Variants in MAP3K14 observed in about 807,000 individuals in gnomAD.
MAP3K14 encodes the protein mitogen-activated protein kinase kinase kinase 14, also known as NF-kappa-beta-inducing kinase.
A neutral mutation model predicts 99.2 loss-of-function variants in MAP3K14; 16 were observed. That is an observed-to-expected ratio of 0.16 (90% CI 0.11 to 0.24). The LOEUF is 0.24. Ranked by LOEUF, MAP3K14 falls within the 10% of genes least tolerant of loss-of-function variation. The probability of loss-of-function intolerance (pLI) is 1.00; values close to 1 mark genes in which losing one functional copy is unlikely to be tolerated. For missense variants in MAP3K14, 784 were observed against 1,208.7 expected (o/e 0.65, Z 5.21); for synonymous variants, 462 against 492.4 (o/e 0.94, Z 0.82).
intron 1 of MAP3K14, among the ~76,000 whole-genome samples, chr17:45,311,506 C>G (rs921145373): frequency 5.9e-5 from 9 of 152,166 alleles, no homozygotes; most frequent in Admixed American, 1.3e-4. Context: ...TAATGGACAC[C>G]TGATAGTGGC....
intron 6 of MAP3K14, among the ~76,000 whole-genome samples, chr17:45,284,397 C>T (rs1303467462): frequency 6.6e-6 from 1 of 152,198 alleles, no homozygotes; most frequent in Non-Finnish European, 1.5e-5. Flanking sequence ...TGGCTTCCTC[C>T]TAGAAGCACC....
At position 45,303,390 on chromosome 17, in the gene MAP3K14, G is replaced by A. The variant is rs566298898; in HGVS notation, c.-20-12625C>T. Among the ~76,000 whole-genome samples the A allele has an allele frequency of 3.9e-5, 6 of 152,192 alleles. No individual in the cohort carries two copies. In the South Asian group the frequency reaches 1.2e-3, roughly 32 times the overall value. Reference sequence around the variant, plus strand: ...AGCCTGGCCAACATGGGGAAATCTCGTCTCTACTAAAAATACAAAAATTAG... The same window carrying A: ...AGCCTGGCCAACATGGGGAAATCTCATCTCTACTAAAAATACAAAAATTAG... On this transcript the variant is annotated intron_variant, in intron 1 of 15. Transcript: ENST00000344686.
chr17:45,282,992 C>G (rs1302419096), intron 6 of MAP3K14, among the ~76,000 whole-genome samples: 1 of 152,246 alleles, frequency 6.6e-6, no homozygotes, highest in African/African-American at 2.4e-5. Context: ...TGGGCTTGAG[C>G]TGCAGCTCTG....
intron 8 of MAP3K14, 119 bp downstream of exon 8, chr17:45,274,004 C>G (rs2044159955): frequency 3.3e-6 from 4 of 1,219,084 alleles, no homozygotes; most frequent in Non-Finnish European, 4.6e-6. Context: ...GTCCTGTCAG[C>G]CTGACTCAGG....
intron 1 of MAP3K14, among the ~76,000 whole-genome samples, chr17:45,309,139 G>A (rs568638894): frequency 6.6e-6 from 1 of 152,190 alleles, no homozygotes; most frequent in Non-Finnish European, 1.5e-5. Flanking sequence ...AATTTCTCCT[G>A]ACTGTCCCTA....
At position 45,287,369 on chromosome 17, in the gene MAP3K14, C is replaced by A. The variant is rs1211025036; in HGVS notation, c.327-5G>T. On this transcript the variant is annotated splice_polypyrimidine_tract_variant and splice_region_variant and intron_variant, in intron 3 of 15. Coordinates refer to ENST00000344686, the MANE Select transcript of MAP3K14 (RefSeq NM_003954.5). Reference sequence around the variant, plus strand: ...TGATCAAGACTCTCGGACTGGCTGTCACAAAAGGGACAGATTTGCATATTG... The same window carrying A: ...TGATCAAGACTCTCGGACTGGCTGTAACAAAAGGGACAGATTTGCATATTG... The A allele has an allele frequency of 3.7e-6, 6 of 1,613,442 alleles. No homozygotes were observed. The highest frequency in any genetic ancestry group is 5.1e-6 in the Non-Finnish European group (6 of 1,179,504).
chr17:45,276,238 T>C (rs1004812108), intron 6 of MAP3K14, among the ~76,000 whole-genome samples: 3 of 152,224 alleles, frequency 2.0e-5, no homozygotes, highest in African/African-American at 7.2e-5. Context: ...CACTCCTTTC[T>C]GCAGGGACCA....
chr17:45,275,251 C>G (rs989715652), intron 6 of MAP3K14, among the ~76,000 whole-genome samples: 1 of 151,964 alleles, frequency 6.6e-6, no homozygotes, highest in Non-Finnish European at 1.5e-5. Flanking sequence ...TCAAGGAGAT[C>G]GAGGTCGGGA....
chr17:45,287,399 C>T lies in MAP3K14; in HGVS notation c.327-35G>A, dbSNP rs189310349. 1.6e-4 allele frequency: 258 copies of T among 1,588,180 alleles called. 3 individuals carry two copies. The East Asian group carries it at 3.0e-3, about 18-fold the overall frequency. ...AAGGGACAGATTTGCATATTGAGCA[C>T]GAGGAAGCAGGAAGATGGACTGGTC... is the stretch of plus-strand genomic sequence containing the variant. On this transcript the variant is annotated intron_variant, in intron 3 of 15. Transcript: ENST00000344686.
chr17:45,265,106 G>T, intron 15 of MAP3K14, 57 bp downstream of exon 15: 2 of 1,370,020 alleles, frequency 1.5e-6, no homozygotes, highest in Non-Finnish European at 2.1e-6. Context: ...TGGAGGGTGG[G>T]GCCAGCTGCA....
chr17:45,275,541 T>C (rs1786565338), intron 6 of MAP3K14, among the ~76,000 whole-genome samples: 1 of 150,840 alleles, frequency 6.6e-6, no homozygotes, highest in Non-Finnish European at 1.5e-5. Flanking sequence ...AAAAACCCCC[T>C]ACATTCGTCA....
At chr17:45,315,936 T>C (rs1479509188) in intron 1 of MAP3K14, among the ~76,000 whole-genome samples, 1 of 152,220 alleles carries the variant, frequency 6.6e-6, no homozygotes, top group African/African-American at 2.4e-5. Context: ...AAAGACCATG[T>C]TTCTAGTCAA....
chr17:45,270,308 A>C, intron 11 of MAP3K14, 105 bp downstream of exon 11: 2 of 1,383,122 alleles, frequency 1.4e-6, no homozygotes, highest in South Asian at 1.5e-5. Context: ...AGAGGGGGAA[A>C]CTAAGGCTCT....
Position 45,267,364 on chromosome 17 carries a change from G to C in MAP3K14, c.2326+42C>G. 1 of 1,536,400 alleles carries C rather than the reference G, an allele frequency of 6.5e-7. No individual in the cohort carries two copies. The highest frequency in any genetic ancestry group is 1.2e-5 in the South Asian group (1 of 83,952). ...ACACCGGCCTCCGCGGGTGGCCCAG[G>C]GCCAGTGCTCAGGGCCCCACTGCAG... is the stretch of plus-strand genomic sequence containing the variant. On this transcript the variant is annotated intron_variant, in intron 12 of 15. Coordinates refer to ENST00000344686, the MANE Select transcript of MAP3K14 (RefSeq NM_003954.5). The surrounding 1 kb of genome is among the most constrained non-coding windows in gnomAD (Gnocchi z 5.1).
At chr17:45,265,287 T>C (rs2044068078) in intron 14 of MAP3K14, 24 bp from the exon 15 acceptor site, 1 of 1,516,170 alleles carries the variant, frequency 6.6e-7, no homozygotes, top group Non-Finnish European at 9.2e-7. Context: ...AAGGTGATAG[T>C]CAGGAGAGCG....
intron 6 of MAP3K14, chr17:45,281,640 C>CTTTTTTTT (rs36123440): frequency 3.1e-5 from 3 of 97,132 alleles, no homozygotes; most frequent in Non-Finnish European, 6.0e-5. Context: ...GATCTTACTT[C>CTTTTTTTT]TTTTTTTTTT....
At chr17:45,281,077 T>C (rs111260032) in intron 6 of MAP3K14, among the ~76,000 whole-genome samples, 111 of 152,008 alleles carry the variant, frequency 7.3e-4, no homozygotes, top group African/African-American at 2.5e-3. Flanking sequence ...TGGTACAGAA[T>C]AGTCCCTAGA....
At chr17:45,309,467 C>A (rs1441090005) in intron 1 of MAP3K14, among the ~76,000 whole-genome samples, 2 of 152,232 alleles carry the variant, frequency 1.3e-5, no homozygotes, top group Admixed American at 6.5e-5. Context: ...TTGGTGAGGT[C>A]CTCCAGGGCG....
At chr17:45,301,836 T>C (rs951689991) in intron 1 of MAP3K14, among the ~76,000 whole-genome samples, 9 of 146,310 alleles carry the variant, frequency 6.2e-5, no homozygotes, top group African/African-American at 1.6e-4. Context: ...CAGTTCTCTT[T>C]TTTTTTTTTT....
Sources: allele counts gnomAD v4.1 joint callset (sites outside exome capture counted in the v4.1 genomes callset), GRCh38; gene constraint gnomAD v4.1.1; non-coding constraint Gnocchi (gnomAD v3.1); transcripts MANE v1.5; gene names NCBI Gene and HGNC (gene_info 2026-07-23, HGNC 2026-07-21).